NEBL: variants seen among roughly 807,000 people sequenced by gnomAD.
NEBL encodes the protein LIM and SH3 protein 2.
A neutral mutation model predicts 140.2 loss-of-function variants in NEBL; 122 were observed. That is an observed-to-expected ratio of 0.87 (90% CI 0.75 to 1.01). NEBL has a LOEUF of 1.01. Ranked by LOEUF, NEBL falls within the 50% of genes least tolerant of loss-of-function variation. NEBL has a pLI of 0.00. For synonymous variants in NEBL, 436 were observed against 398.9 expected (o/e 1.09, Z -1.11); for missense variants, 1,365 against 1,231.3 (o/e 1.11, Z -1.62).
chr10:20,976,063 G>A (rs1300858318), intron 3 of NEBL, among the ~76,000 whole-genome samples: 1 of 152,108 alleles, frequency 6.6e-6, no homozygotes, highest in African/African-American at 2.4e-5. Context: ...AGCTGGGTAT[G>A]GTGGCTCACA....
chr10:21,243,892 G>A (rs545948188), intron 3 of NEBL, among the ~76,000 whole-genome samples: 1 of 149,808 alleles, frequency 6.7e-6, no homozygotes, highest in East Asian at 2.0e-4. Context: ...GAAAGAGAGA[G>A]AGAGAGGAAG....
intron 19 of NEBL, 45 bp from the exon 20 acceptor site, chr10:20,819,561 T>C (rs950100820): frequency 6.2e-7 from 1 of 1,609,684 alleles, no homozygotes; most frequent in Admixed American, 1.7e-5. Context: ...GGGAAATAAA[T>C]ACGTCCCAAA....
chr10:20,902,451 C>A (rs1221331030), intron 4 of NEBL, among the ~76,000 whole-genome samples: 1 of 151,996 alleles, frequency 6.6e-6, no homozygotes, highest in Non-Finnish European at 1.5e-5. Context: ...TGTATATTCC[C>A]CTTTTCACAG....
chr10:21,069,638 A>G (rs548762561), intron 2 of NEBL, among the ~76,000 whole-genome samples: 33 of 152,138 alleles, frequency 2.2e-4, no homozygotes, highest in Non-Finnish European at 3.4e-4. Flanking sequence ...AAAAATCTTT[A>G]TGTAGATTTT....
At position 21,079,346 on chromosome 10, in the gene NEBL, T is replaced by C. The variant is rs144872222; in HGVS notation, c.165-59145A>G. 1.9e-4 allele frequency among the ~76,000 whole-genome samples: 29 copies of C among 152,376 alleles called. 1 individual carries two copies. In the East Asian group the frequency reaches 4.4e-3, roughly 23 times the overall value. On this transcript the variant is annotated intron_variant, in intron 2 of 6. Coordinates refer to the NEBL transcript ENST00000417816. ...AAATGCAGGGAGCACAAATCTTTGG[T>C]AGGCTCTCATTTCTGTGATTTATTT...
intron 3 of NEBL, among the ~76,000 whole-genome samples, chr10:21,226,081 A>G (rs1008834885): frequency 2.0e-5 from 3 of 151,888 alleles, no homozygotes; most frequent in Non-Finnish European, 2.9e-5. Context: ...CCAGGGCCCA[A>G]GGGCTCTTTA....
chr10:20,798,838 A>G lies in NEBL; in HGVS notation c.2761+9672T>C, dbSNP rs369994500. Among the ~76,000 whole-genome samples the G allele has an allele frequency of 8.5e-4, 130 of 152,326 alleles. 2 individuals carry two copies. In the Middle Eastern group the frequency reaches 0.014, roughly 16 times the overall value. On this transcript the variant is annotated intron_variant, in intron 26 of 27. Transcript: ENST00000377122. ...CTGAATCTTGGCACATCGATGAAAG[A>G]CACATGTGCATTCTAGAACAAGTGC...
At chr10:20,809,251 C>T (rs1317162548) in intron 25 of NEBL, among the ~76,000 whole-genome samples, 1 of 152,116 alleles carries the variant, frequency 6.6e-6, no homozygotes, top group East Asian at 1.9e-4. Flanking sequence ...AGCCATCATT[C>T]GTACCCCAAC....
At chr10:21,164,974 T>G (rs1313987739) in intron 2 of NEBL, among the ~76,000 whole-genome samples, 2 of 152,246 alleles carry the variant, frequency 1.3e-5, no homozygotes, top group African/African-American at 4.8e-5. Context: ...AACTCTAACA[T>G]GCCACAATAT....
intron 26 of NEBL, among the ~76,000 whole-genome samples, chr10:20,788,198 C>CA (rs1226867360): frequency 2.6e-5 from 4 of 152,066 alleles, no homozygotes; most frequent in Non-Finnish European, 5.9e-5. Context: ...TATCTGTGAC[C>CA]AGAAACATGA....
intron 26 of NEBL, among the ~76,000 whole-genome samples, chr10:20,791,429 G>T (rs1835966155): frequency 1.3e-5 from 2 of 151,868 alleles, no homozygotes; most frequent in Non-Finnish European, 2.9e-5. Context: ...TTTGAGATGG[G>T]GTCTCACTCT....
At chr10:20,808,976 C>T (rs1049152703) in intron 25 of NEBL, among the ~76,000 whole-genome samples, 1 of 152,072 alleles carries the variant, frequency 6.6e-6, no homozygotes, top group Non-Finnish European at 1.5e-5. Context: ...TTCAATAATT[C>T]CTTTAAACTA....
In NEBL at chr10:20,869,816, T is replaced by C. The variant is rs776135394; in HGVS notation, c.506A>G (p.Asp169Gly). 3 of 1,612,198 alleles carry C rather than the reference T, an allele frequency of 1.9e-6. No homozygotes were observed. The highest frequency in any genetic ancestry group is 1.7e-5 in the Admixed American group (1 of 59,976). ...AAGTTCTGCACTGTACGTGTGGGTG[T>C]CCTGCACGTCTTTCCTATAAGAAAT... ...SNISYRKDVQ[D>G]THTYSAELDR... is the part of the protein sequence containing the mutation. Residue 169 changes from aspartate (D) to glycine (G), a missense_variant, in exon 6 of 28, where the codon GAC becomes GGC. Coordinates refer to ENST00000377122, the MANE Select transcript of NEBL (RefSeq NM_006393.3).
intron 7 of NEBL, among the ~76,000 whole-genome samples, chr10:20,862,951 T>G (rs530027760): frequency 5.9e-5 from 9 of 152,172 alleles, no homozygotes; most frequent in Non-Finnish European, 1.3e-4. Flanking sequence ...TATGTTTTGA[T>G]ACAGGCATGC....
intron 4 of NEBL, chr10:20,961,620 A>G (rs1836053388): frequency 1.5e-6 from 2 of 1,326,968 alleles, no homozygotes; most frequent in African/African-American, 2.9e-5. Context: ...TCCCTTTCTC[A>G]TCCAGAAATG....
intron 1 of NEBL, among the ~76,000 whole-genome samples, chr10:21,257,129 T>G (rs1330550938): frequency 2.0e-5 from 3 of 151,952 alleles, no homozygotes; most frequent in Admixed American, 6.5e-5. Context: ...CAGTATTATC[T>G]ATTGAGTGTT....
chr10:21,095,604 C>G (rs1174726995), intron 2 of NEBL, among the ~76,000 whole-genome samples: 1 of 152,164 alleles, frequency 6.6e-6, no homozygotes, highest in Non-Finnish European at 1.5e-5. Context: ...AGAGTCCAAA[C>G]AAGAATGGCA....
At chr10:21,201,425 T>C (rs956415271) in intron 3 of NEBL, among the ~76,000 whole-genome samples, 3 of 152,198 alleles carry the variant, frequency 2.0e-5, no homozygotes, top group Non-Finnish European at 4.4e-5. Flanking sequence ...GAATTTATTG[T>C]GAAGCATGAT....
chr10:20,786,201 C>G (rs575484111), intron 27 of NEBL, among the ~76,000 whole-genome samples: 1 of 152,250 alleles, frequency 6.6e-6, no homozygotes, highest in African/African-American at 2.4e-5. Context: ...CCAAGTTCCC[C>G]CCAACTTCAG....
Sources: gnomAD v4.1 joint callset for allele counts (sites outside exome capture counted in the v4.1 genomes callset) on GRCh38, gnomAD v4.1.1 for gene constraint, MANE v1.5 for transcripts, NCBI Gene and HGNC (gene_info 2026-07-23, HGNC 2026-07-21) for gene names.